The following LNX2 variants were observed in gnomAD, a reference collection of about 807,000 sequenced individuals.
LNX2 encodes the protein ligand of numb-protein X 2.
In LNX2, 35 loss-of-function variants were observed where a neutral mutation model predicts 66.2. The observed-to-expected ratio is 0.53, with a 90% confidence interval of 0.40 to 0.70. LNX2 has a LOEUF of 0.70. Ranked by LOEUF, LNX2 falls within the 30% of genes least tolerant of loss-of-function variation. The pLI is 0.00. For synonymous variants in LNX2, 337 were observed against 315.6 expected, an observed-to-expected ratio of 1.07 and a Z score of -0.72; for missense variants, 791 against 850.8, an observed-to-expected ratio of 0.93 and a Z score of 0.87.
At chr13:27,604,071 G>A (rs989877199) in intron 1 of LNX2, among the ~76,000 whole-genome samples, 10 of 151,924 alleles carry the variant, frequency 6.6e-5, no homozygotes, top group Non-Finnish European at 1.2e-4. Context: ...TGCCTAACAC[G>A]GTGAAACCCT....
chr13:27,602,166 G>C (rs1343812302), intron 1 of LNX2, among the ~76,000 whole-genome samples: 2 of 151,582 alleles, frequency 1.3e-5, no homozygotes, highest in African/African-American at 4.9e-5. Context: ...TCGCCATGTT[G>C]CCCAGCACTC....
intron 4 of LNX2, 137 bp from the exon 5 acceptor site, chr13:27,562,918 T>C: frequency 2.3e-6 from 2 of 868,816 alleles, no homozygotes; most frequent in Non-Finnish European, 3.5e-6. Flanking sequence ...ACAATCATTA[T>C]TTACAAAGAA....
At chr13:27,583,259 C>T (rs1170732263) in intron 1 of LNX2, among the ~76,000 whole-genome samples, 9 of 59,320 alleles carry the variant, frequency 1.5e-4, no homozygotes, top group South Asian at 5.2e-4. Context: ...TGTGTGTGCG[C>T]GCGTCCTCTC....
chr13:27,583,949 GTGACAGGAAGTA>G lies in LNX2; in HGVS notation c.-100-2158_-100-2147del, dbSNP rs549495519. ...AAAAAAAACATGGGACTGCTGAGTT[GTGACAGGAAGTA>G]TCAGCCAGAGAGAAAAAATGGACAA... On this transcript the variant is annotated intron_variant, in intron 1 of 9. Coordinates refer to ENST00000316334, the MANE Select transcript of LNX2 (RefSeq NM_153371.4). 1.0e-3 allele frequency among the ~76,000 whole-genome samples: 153 copies of G among 152,278 alleles called. 4 individuals carry two copies. The East Asian group carries it at 0.026, about 26-fold the overall frequency.
At chr13:27,575,347 T>C (rs1333396609) in intron 2 of LNX2, among the ~76,000 whole-genome samples, 1 of 152,186 alleles carries the variant, frequency 6.6e-6, no homozygotes, top group Non-Finnish European at 1.5e-5. Context: ...GAGTGGGCCA[T>C]GGGGTATCCA....
chr13:27,560,078 T>C (rs1955112652), intron 5 of LNX2, 93 bp from the exon 6 acceptor site: 2 of 1,185,582 alleles, frequency 1.7e-6, no homozygotes, highest in Admixed American at 2.5e-5. Flanking sequence ...AACTTCTTAA[T>C]CACTGTACCA....
chr13:27,594,321 G>T lies in LNX2; in HGVS notation c.-100-12518C>A, dbSNP rs143188905. 5.5e-4 allele frequency among the ~76,000 whole-genome samples: 83 copies of T among 151,948 alleles called. 1 individual carries two copies. The East Asian group carries it at 0.014, about 26-fold the overall frequency. On this transcript the variant is annotated intron_variant, in intron 1 of 9. Transcript: ENST00000316334. ...TACTGTTTTTCTTATCAATTGATTT[G>T]AACTCAACATATTAAGACAGCAACC...
chr13:27,569,869 T>A (rs1955256484), intron 2 of LNX2, among the ~76,000 whole-genome samples: 1 of 152,192 alleles, frequency 6.6e-6, no homozygotes, highest in Non-Finnish European at 1.5e-5. Flanking sequence ...TTTGTGAAAT[T>A]AGAATTTCAA....
At chr13:27,555,672 C>T (rs1159915652) in intron 7 of LNX2, among the ~76,000 whole-genome samples, 1 of 152,148 alleles carries the variant, frequency 6.6e-6, no homozygotes, top group Admixed American at 6.5e-5. Flanking sequence ...GGTAGGGGTT[C>T]AACTTCATTC....
At chr13:27,578,066 A>G (rs979859563) in intron 2 of LNX2, among the ~76,000 whole-genome samples, 1 of 152,230 alleles carries the variant, frequency 6.6e-6, no homozygotes, top group African/African-American at 2.4e-5. Context: ...TTATTTAAAC[A>G]TGTTCATCTT....
intron 5 of LNX2, among the ~76,000 whole-genome samples, chr13:27,561,653 T>C (rs1955137336): frequency 6.6e-6 from 1 of 152,248 alleles, no homozygotes; most frequent in Non-Finnish European, 1.5e-5. Flanking sequence ...TCAATGACTA[T>C]CGGCCTACCC....
At chr13:27,615,350 C>T (rs532624190) in intron 1 of LNX2, among the ~76,000 whole-genome samples, 13 of 152,318 alleles carry the variant, frequency 8.5e-5, no homozygotes, top group African/African-American at 1.4e-4. Context: ...GGAAGGGGTG[C>T]GGAGCGTCCA....
chr13:27,604,119 T>C (rs2138459506), intron 1 of LNX2, among the ~76,000 whole-genome samples: 1 of 152,216 alleles, frequency 6.6e-6, no homozygotes, highest in East Asian at 1.9e-4. Context: ...CCGGGCGTGG[T>C]GGCGGGCTCC....
At chr13:27,616,253 C>CG (rs1566136216) in intron 1 of LNX2, among the ~76,000 whole-genome samples, 1 of 151,966 alleles carries the variant, frequency 6.6e-6, no homozygotes, top group African/African-American at 2.4e-5. Context: ...GGTTGACAGT[C>CG]GGTTGAGTTT....
At chr13:27,612,897 A>G (rs895671251) in intron 1 of LNX2, among the ~76,000 whole-genome samples, 1 of 152,152 alleles carries the variant, frequency 6.6e-6, no homozygotes, top group African/African-American at 2.4e-5. Flanking sequence ...ATTTTATTTA[A>G]CCCAATATAT....
intron 1 of LNX2, among the ~76,000 whole-genome samples, chr13:27,613,678 G>C (rs903891605): frequency 6.6e-6 from 1 of 152,164 alleles, no homozygotes; most frequent in Admixed American, 6.5e-5. Flanking sequence ...TGAGGCAGGA[G>C]AATCACTTGA....
intron 2 of LNX2, among the ~76,000 whole-genome samples, chr13:27,569,907 G>A (rs1955257092): frequency 6.6e-6 from 1 of 152,184 alleles, no homozygotes; most frequent in Non-Finnish European, 1.5e-5. Flanking sequence ...TATGTAAACT[G>A]AAGAATATAT....
chr13:27,589,112 G>A (rs1955523510), intron 1 of LNX2, among the ~76,000 whole-genome samples: 1 of 152,164 alleles, frequency 6.6e-6, no homozygotes, highest in East Asian at 1.9e-4. Context: ...AGAAGTACCG[G>A]TCAATAACCA....
chr13:27,595,380 A>G (rs1342443589), intron 1 of LNX2, among the ~76,000 whole-genome samples: 1 of 152,204 alleles, frequency 6.6e-6, no homozygotes, highest in Non-Finnish European at 1.5e-5. Context: ...CAGCCATTAG[A>G]AGGCAGAAAC....
Sources: allele counts gnomAD v4.1 joint callset (sites outside exome capture counted in the v4.1 genomes callset), GRCh38; gene constraint gnomAD v4.1.1; transcripts MANE v1.5; gene names NCBI Gene and HGNC (gene_info 2026-07-23, HGNC 2026-07-21).